GDA: variants seen among roughly 807,000 people sequenced by gnomAD.
The protein encoded by GDA is guanine deaminase, also known as cytoplasmic PSD-95 interactor.
In GDA, 18 loss-of-function variants were observed where a neutral mutation model predicts 59.6. The observed-to-expected ratio is 0.30, with a 90% CI of 0.21 to 0.45. The LOEUF is 0.45. Among genes scored for constraint, GDA ranks in the 20% least tolerant of loss-of-function variants. The pLI, the probability that GDA is intolerant of heterozygous loss-of-function variation, is 1.00. For missense variants in GDA, 427 were observed against 552.3 expected (o/e 0.77, Z 2.27); for synonymous variants, 201 against 201.1 (o/e 1.00, Z 0.00).
rs1833911306 is a variant in GDA at position 72,200,906 on chromosome 9, TG to T, written c.213-1662del. Among the ~76,000 whole-genome samples, 4 of 152,342 alleles carry T rather than the reference TG, an allele frequency of 2.6e-5. No homozygotes were observed. The South Asian group carries it at 8.3e-4, about 32-fold the overall frequency. On this transcript the variant is annotated intron_variant, in intron 2 of 13. Transcript: ENST00000358399. ...GTACTGAACCTACAGACAAACTGCC[TG>T]GGTTTGAATCTCAGCGCCAAAGCTG...
At chr9:72,170,196 C>T (rs1012986780) in intron 1 of GDA, among the ~76,000 whole-genome samples, 3 of 152,164 alleles carry the variant, frequency 2.0e-5, no homozygotes, top group Admixed American at 6.5e-5. Flanking sequence ...CTTATGAAAA[C>T]ACATAATTAT....
intron 1 of GDA, among the ~76,000 whole-genome samples, chr9:72,191,420 G>A (rs1832521474): frequency 6.6e-6 from 1 of 151,728 alleles, no homozygotes; most frequent in South Asian, 2.1e-4. Flanking sequence ...AATGGAGGAA[G>A]AAGATGGCTG....
chr9:72,136,136 C>A (rs1173094550), intron 1 of GDA, among the ~76,000 whole-genome samples: 3 of 152,112 alleles, frequency 2.0e-5, no homozygotes, highest in African/African-American at 7.2e-5. Flanking sequence ...GCAACTCTTA[C>A]TATAAATAGA....
At chr9:72,189,288 C>A (rs138470639) in intron 1 of GDA, among the ~76,000 whole-genome samples, 1 of 147,890 alleles carries the variant, frequency 6.8e-6, no homozygotes, top group East Asian at 2.0e-4. Context: ...TTAAGTGATC[C>A]TCCCACCTTA....
At chr9:72,125,108 T>G (rs2130590971) in intron 1 of GDA, among the ~76,000 whole-genome samples, 1 of 152,356 alleles carries the variant, frequency 6.6e-6, no homozygotes, top group South Asian at 2.1e-4. Flanking sequence ...AGACTACATT[T>G]ACCAGTCTCC....
At chr9:72,164,641 C>T (rs1829058437) in intron 1 of GDA, among the ~76,000 whole-genome samples, 1 of 152,104 alleles carries the variant, frequency 6.6e-6, no homozygotes, top group Non-Finnish European at 1.5e-5. Context: ...CTTAAGTTAT[C>T]AGAGGACTTT....
At chr9:72,148,831 T>G (rs1826813976), upstream of GDA, among the ~76,000 whole-genome samples, 1 of 152,162 alleles carries the variant, frequency 6.6e-6, no homozygotes, top group African/African-American at 2.4e-5. Flanking sequence ...TTTTCTCCCT[T>G]TGTACAACTG....
chr9:72,259,427 T>C (rs1587829581), downstream of GDA, among the ~76,000 whole-genome samples: 1 of 152,294 alleles, frequency 6.6e-6, no homozygotes, highest in Non-Finnish European at 1.5e-5. Context: ...GGCACTTGTT[T>C]GGGTTGGAAG....
At chr9:72,228,713 CCCCA>C (rs1837915014) in intron 9 of GDA, 2 of 152,266 alleles carry the variant, frequency 1.3e-5, no homozygotes, top group Admixed American at 1.3e-4. Context: ...CATGGTGAAA[CCCCA>C]TCAGTATTAA....
intron 6 of GDA, among the ~76,000 whole-genome samples, chr9:72,221,628 G>A (rs1421987920): frequency 6.6e-6 from 1 of 152,146 alleles, no homozygotes; most frequent in Non-Finnish European, 1.5e-5. Context: ...TGTCATAGGG[G>A]TTTGTTGTGC....
intron 7 of GDA, among the ~76,000 whole-genome samples, chr9:72,224,431 T>G (rs2131591752): frequency 6.6e-6 from 1 of 152,336 alleles, no homozygotes; most frequent in South Asian, 2.1e-4. Flanking sequence ...CTACGCATAT[T>G]CTAAATGGCA....
chr9:72,153,498 A>G (rs1171335585), intron 1 of GDA, among the ~76,000 whole-genome samples: 3 of 150,982 alleles, frequency 2.0e-5, no homozygotes, highest in Non-Finnish European at 2.9e-5. Context: ...CCAAAGGACT[A>G]TAAATCATGC....
chr9:72,143,006 T>A (rs943641427), intron 1 of GDA, among the ~76,000 whole-genome samples: 8 of 151,954 alleles, frequency 5.3e-5, no homozygotes, highest in African/African-American at 1.7e-4. Context: ...CGACCTCAGA[T>A]GATCCACCTG....
chr9:72,183,033 C>T (rs1412488915), intron 1 of GDA, among the ~76,000 whole-genome samples: 1 of 152,006 alleles, frequency 6.6e-6, no homozygotes, highest in Non-Finnish European at 1.5e-5. Context: ...AAATTATGTT[C>T]TAGATTCATC....
chr9:72,213,730 G>A (rs1835708635), intron 4 of GDA, among the ~76,000 whole-genome samples, 156 bp from the exon 5 acceptor site: 1 of 151,586 alleles, frequency 6.6e-6, no homozygotes, highest in Admixed American at 6.6e-5. Context: ...ATGAACCTGG[G>A]AGGCGGAGCT....
rs538419818 is a variant in GDA, at chr9:72,120,699, A to T, written c.-100+5866A>T. Among the ~76,000 whole-genome samples the T allele has an allele frequency of 5.9e-5, 9 of 152,328 alleles. 1 individual carries two copies. In the South Asian group the frequency reaches 1.9e-3, roughly 32 times the overall value. ...TGTTAACATTTGATGCACATGATCC[A>T]ACTTCTCTAACATGTTTTATAAGGC... is the stretch of plus-strand genomic sequence containing the variant. On this transcript the variant is annotated intron_variant, in intron 1 of 13. Coordinates refer to the GDA transcript ENST00000545168.
intron 2 of GDA, among the ~76,000 whole-genome samples, chr9:72,202,049 C>T (rs535957353): frequency 6.6e-6 from 1 of 152,260 alleles, no homozygotes; most frequent in South Asian, 2.1e-4. Flanking sequence ...TTCTGTAACA[C>T]GTGGGAAAAG....
chr9:72,231,032 G>A, intron 9 of GDA, 82 bp from the exon 10 acceptor site: 6 of 821,770 alleles, frequency 7.3e-6, no homozygotes, highest in South Asian at 1.3e-5. Flanking sequence ...ATTTTCAGTG[G>A]CATCACCGTC....
chr9:72,141,757 A>G (rs1387536817), intron 1 of GDA, among the ~76,000 whole-genome samples: 1 of 152,186 alleles, frequency 6.6e-6, no homozygotes, highest in Admixed American at 6.5e-5. Flanking sequence ...CTGCACATTA[A>G]TAACCTTGGG....
Sources: allele counts gnomAD v4.1 joint callset (sites outside exome capture counted in the v4.1 genomes callset), GRCh38; gene constraint gnomAD v4.1.1; transcripts MANE v1.5; gene names NCBI Gene and HGNC (gene_info 2026-07-23, HGNC 2026-07-21).